Variants in ANKRD36C observed in about 807,000 individuals in gnomAD.
ANKRD36C encodes the protein ankyrin repeat domain-containing protein 36C.
In ANKRD36C, 61 loss-of-function variants were observed where a neutral mutation model predicts 276.4. That is an observed-to-expected ratio of 0.22 (90% CI 0.18 to 0.27). The LOEUF (loss-of-function observed/expected upper bound fraction) is 0.27. ANKRD36C is among the 10% of genes least tolerant of loss of function. The probability of loss-of-function intolerance (pLI) is 1.00; values close to 1 mark genes in which losing one functional copy is unlikely to be tolerated. For synonymous variants in ANKRD36C, 483 were observed against 680.1 expected, an observed-to-expected ratio of 0.71 and a Z score of 4.51; for missense variants, 1,447 against 2,032.3, an observed-to-expected ratio of 0.71 and a Z score of 5.54.
At chr2:95,850,152 C>T (rs1675260286), downstream of ANKRD36C, among the ~76,000 whole-genome samples, 1 of 152,294 alleles carries the variant, frequency 6.6e-6, no homozygotes, top group African/African-American at 2.4e-5. Flanking sequence ...CATAGTTGCA[C>T]ACTGAATTCA....
intron 59 of ANKRD36C, among the ~76,000 whole-genome samples, chr2:95,873,300 A>T (rs1420136761): frequency 1.3e-5 from 2 of 152,208 alleles, no homozygotes; most frequent in Non-Finnish European, 2.9e-5. Context: ...CCAGCAGCAC[A>T]TCAAAAAGCT....
At chr2:95,867,397 T>C in intron 60 of ANKRD36C, 43 bp downstream of exon 80, 1 of 731,062 alleles carries the variant, frequency 1.4e-6, no homozygotes, top group East Asian at 2.7e-5. Flanking sequence ...CATACATTGC[T>C]ATAGGATTTT....
At chr2:95,911,065 A>G (rs1018274300) in intron 42 of ANKRD36C, among the ~76,000 whole-genome samples, 1 of 151,472 alleles carries the variant, frequency 6.6e-6, no homozygotes, top group African/African-American at 2.4e-5. Context: ...TACACTTCAC[A>G]TCTCTTCAGT....
intron 30 of ANKRD36C, 142 bp downstream of exon 30, chr2:95,925,210 G>A: frequency 7.3e-7 from 1 of 1,374,404 alleles, no homozygotes; most frequent in Non-Finnish European, 9.9e-7. Context: ...AGCACCACCT[G>A]ACAACTTACT....
intron 19 of ANKRD36C, among the ~76,000 whole-genome samples, chr2:95,943,106 A>G (rs1027594880): frequency 3.9e-5 from 6 of 152,304 alleles, no homozygotes; most frequent in African/African-American, 1.4e-4. Flanking sequence ...GAAATAAGTA[A>G]TAATTTATTT....
At chr2:95,868,592 TA>T (rs1431067054) in intron 59 of ANKRD36C, among the ~76,000 whole-genome samples, 1 of 149,200 alleles carries the variant, frequency 6.7e-6, no homozygotes, top group Non-Finnish European at 1.5e-5. Flanking sequence ...TGTATTTAAA[TA>T]AAGCTCTGAA....
At chr2:95,944,689 C>T (rs1369598693) in exon 19 of ANKRD36C, 2 of 1,537,074 alleles carry the variant, frequency 1.3e-6, no homozygotes, top group Admixed American at 3.9e-5. Flanking sequence ...CCACATGCAG[C>T]ATCTACTACA....
intron 60 of ANKRD36C, among the ~76,000 whole-genome samples, chr2:95,864,313 G>A (rs1256925541): frequency 6.6e-6 from 1 of 151,850 alleles, no homozygotes; most frequent in African/African-American, 2.4e-5. Context: ...AAGACCCATA[G>A]GATCATCCCA....
At chr2:95,961,095 G>A (rs1678448418) in intron 8 of ANKRD36C, among the ~76,000 whole-genome samples, 1 of 152,206 alleles carries the variant, frequency 6.6e-6, no homozygotes, top group African/African-American at 2.4e-5. Context: ...TATTTATCAT[G>A]TTCTTAAACT....
chr2:95,859,119 T>G (rs1287093457), intron 61 of ANKRD36C, among the ~76,000 whole-genome samples: 1 of 151,948 alleles, frequency 6.6e-6, no homozygotes, highest in African/African-American at 2.4e-5. Context: ...CTGCAACCTC[T>G]GCCTCCCAGG....
intron 44 of ANKRD36C, 145 bp from the exon 65 acceptor site, chr2:95,892,005 G>C (rs1558629458): frequency 1.6e-5 from 22 of 1,367,412 alleles, no homozygotes; most frequent in Middle Eastern, 2.5e-4. Flanking sequence ...CTGAGGACTA[G>C]AACATGACAG....
intron 13 of ANKRD36C, among the ~76,000 whole-genome samples, chr2:95,955,524 T>G (rs948717898): frequency 1.3e-5 from 2 of 152,188 alleles, no homozygotes; most frequent in African/African-American, 4.8e-5. Context: ...AACTAAGAGT[T>G]TGTTTCTCTT....
chr2:95,967,628 A>C (rs916492748), intron 6 of ANKRD36C, among the ~76,000 whole-genome samples: 1 of 152,130 alleles, frequency 6.6e-6, no homozygotes, highest in African/African-American at 2.4e-5. Flanking sequence ...GCCAGTAATC[A>C]CATTACTGGG....
intron 29 of ANKRD36C, 27 bp downstream of exon 29, chr2:95,925,492 T>C (rs1677378763): frequency 6.5e-7 from 1 of 1,548,476 alleles, no homozygotes; most frequent in Non-Finnish European, 8.7e-7. Flanking sequence ...AATAAATAAT[T>C]CAAAATATAA....
At chr2:95,887,063 T>C (rs1028455581) in intron 50 of ANKRD36C, among the ~76,000 whole-genome samples, 5 of 151,354 alleles carry the variant, frequency 3.3e-5, no homozygotes, top group African/African-American at 1.2e-4. Context: ...GAGTCAGTTG[T>C]TGAATTCAAC....
intron 44 of ANKRD36C, chr2:95,893,561 T>A (rs557477365): frequency 1.3e-6 from 2 of 1,556,800 alleles, no homozygotes; most frequent in African/African-American, 1.4e-5. Flanking sequence ...CATCCTTTTT[T>A]TCTCTGGCTA....
exon 6 of ANKRD36C, chr2:95,978,147 T>C: frequency 1.6e-6 from 2 of 1,278,406 alleles, no homozygotes; most frequent in African/African-American, 1.5e-5. Flanking sequence ...TAGAAAGCTC[T>C]TCATGTTTCT....
intron 6 of ANKRD36C, among the ~76,000 whole-genome samples, chr2:95,965,531 A>G (rs1402924896): frequency 6.6e-6 from 1 of 152,138 alleles, no homozygotes; most frequent in African/African-American, 2.4e-5. Context: ...AACAGTTGCA[A>G]TCAACACAGC....
chr2:95,916,222 T>C (rs1677092030), intron 36 of ANKRD36C, 51 bp from the exon 39 acceptor site: 1 of 1,598,624 alleles, frequency 6.3e-7, no homozygotes, highest in Non-Finnish European at 8.5e-7. Flanking sequence ...ATGATAAAGT[T>C]ATCCATACAT....
Sources: allele counts gnomAD v4.1 joint callset (sites outside exome capture counted in the v4.1 genomes callset), GRCh38; gene constraint gnomAD v4.1.1; transcripts MANE v1.5; gene names NCBI Gene and HGNC (gene_info 2026-07-23, HGNC 2026-07-21).